The following ANK3 variants were observed in gnomAD, a reference collection of about 807,000 sequenced individuals.
The protein encoded by ANK3 is ankyrin 3.
Under a neutral mutation model 370.9 loss-of-function variants are expected in ANK3, and 57 were observed. That is an observed-to-expected ratio of 0.15 (90% CI 0.12 to 0.19). The LOEUF (loss-of-function observed/expected upper bound fraction) is 0.19, where lower values mean the gene tolerates loss of function less well. ANK3 is among the 10% of genes least tolerant of loss of function. The pLI, the probability that ANK3 is intolerant of heterozygous loss-of-function variation, is 1.00. For synonymous variants in ANK3, 1,929 were observed against 1,946.3 expected, an observed-to-expected ratio of 0.99 and a Z score of 0.23; for missense variants, 4,439 against 5,302.1, an observed-to-expected ratio of 0.84 and a Z score of 5.06.
intron 1 of ANK3, among the ~76,000 whole-genome samples, chr10:60,313,847 T>A (rs564941158): frequency 1.3e-5 from 2 of 152,142 alleles, no homozygotes; most frequent in African/African-American, 4.8e-5. Flanking sequence ...GAGAGATTTA[T>A]CCTGAATATC....
intron 18 of ANK3, among the ~76,000 whole-genome samples, chr10:60,174,270 T>C (rs548478711): frequency 6.6e-6 from 1 of 152,342 alleles, no homozygotes; most frequent in South Asian, 2.1e-4. Context: ...TTTGTCTCAC[T>C]AAACACACTG....
chr10:60,480,545 T>C (rs968559370), intron 2 of ANK3, among the ~76,000 whole-genome samples: 31 of 152,292 alleles, frequency 2.0e-4, no homozygotes, highest in African/African-American at 6.5e-4. Flanking sequence ...TCAATATATT[T>C]GTGCATCTAC....
At chr10:60,219,865 A>C (rs564424809) in intron 8 of ANK3, among the ~76,000 whole-genome samples, 1 of 152,328 alleles carries the variant, frequency 6.6e-6, no homozygotes, top group East Asian at 1.9e-4. Flanking sequence ...TACTAGCCAA[A>C]TCTCAATAGT....
intron 2 of ANK3, among the ~76,000 whole-genome samples, chr10:60,588,160 T>TTTATTATTATTATTATTATTATTATTA (rs147944306): frequency 7.1e-6 from 1 of 141,116 alleles, no homozygotes; most frequent in African/African-American, 2.6e-5. Flanking sequence ...TTTCTCAGTT[T>TTTATTATTATTATTATTATTATTATTA]TTATTATTAT....
intron 1 of ANK3, among the ~76,000 whole-genome samples, chr10:60,331,571 TAAA>T (rs5785438): frequency 2.2e-5 from 3 of 137,052 alleles, no homozygotes; most frequent in African/African-American, 5.3e-5. Context: ...ACAGCCTAAT[TAAA>T]AAAAAAAAAA....
At chr10:60,569,342 TAGC>T (rs1296336548) in intron 2 of ANK3, among the ~76,000 whole-genome samples, 10 of 152,324 alleles carry the variant, frequency 6.6e-5, no homozygotes, top group African/African-American at 2.4e-4. Context: ...GTATCCCCAG[TAGC>T]TGCCTCAGGT....
intron 25 of ANK3, among the ~76,000 whole-genome samples, chr10:60,128,333 C>G (rs1226585102): frequency 6.6e-6 from 1 of 151,884 alleles, no homozygotes; most frequent in Admixed American, 6.6e-5. Context: ...AGCTGTGTCC[C>G]CGGGGGTGAG....
At chr10:60,632,484 CGTACCTG>C (rs2078497881) in intron 1 of ANK3, among the ~76,000 whole-genome samples, 2 of 152,178 alleles carry the variant, frequency 1.3e-5, no homozygotes, top group South Asian at 4.1e-4. Flanking sequence ...CATGGTAGCT[CGTACCTG>C]TAATCTCAGC....
intron 1 of ANK3, among the ~76,000 whole-genome samples, chr10:60,339,041 T>C (rs1473718881): frequency 6.6e-6 from 1 of 152,076 alleles, no homozygotes; most frequent in African/African-American, 2.4e-5. Flanking sequence ...TGGAGTGAAA[T>C]AGAATGTGTG....
rs746104812 is a variant in ANK3 at position 60,073,339 on chromosome 10, A to G, written c.7542T>C (p.Ile2514=). The change falls in exon 37 of 44, where the codon ATT becomes ATC. Residue 2514 remains isoleucine (I), a synonymous_variant. Coordinates refer to ENST00000280772, the MANE Select transcript of ANK3 (RefSeq NM_020987.5). The stretch of plus-strand genomic sequence containing the variant: ...AAACATCTTTATAGATTTTGGAGAG[A>G]ATTTCTTTTTTGGGGGCAGTGGCTA... ...EKIATAPKKE[I]LSKIYKDVSE... 6 of 1,613,812 alleles carry G rather than the reference A, an allele frequency of 3.7e-6. No individual in the cohort carries two copies. Among genetic ancestry groups the G allele is most frequent in the Non-Finnish European group, 5.1e-6 (6 of 1,179,974 alleles).
At chr10:60,634,863 C>T (rs7093882) in intron 1 of ANK3, among the ~76,000 whole-genome samples, 102,975 of 151,700 alleles carry the variant, frequency 0.68, 35,042 homozygotes, top group South Asian at 0.82. Flanking sequence ...AGTCTGCGGC[C>T]TCACTCCTGA....
chr10:60,205,152 C>A (rs1369002525), intron 11 of ANK3, among the ~76,000 whole-genome samples: 3 of 152,158 alleles, frequency 2.0e-5, no homozygotes, highest in African/African-American at 7.2e-5. Context: ...TGGATCATTT[C>A]TCTGAGTTCT....
At chr10:60,134,404 T>C in intron 24 of ANK3, 31 bp from the exon 25 acceptor site, 1 of 1,542,642 alleles carries the variant, frequency 6.5e-7, no homozygotes, top group Non-Finnish European at 8.9e-7. Context: ...CATTCAACAG[T>C]GGTAGATGAT....
intron 1 of ANK3, among the ~76,000 whole-genome samples, chr10:60,723,843 G>A (rs1325269813): frequency 6.6e-6 from 1 of 152,052 alleles, no homozygotes; most frequent in Non-Finnish European, 1.5e-5. Context: ...ATGATGTGAT[G>A]ACTAAAGCTG....
chr10:60,520,299 T>C (rs188141750), intron 2 of ANK3, among the ~76,000 whole-genome samples: 3 of 152,088 alleles, frequency 2.0e-5, no homozygotes, highest in Admixed American at 6.6e-5. Context: ...AAATCAAGGG[T>C]TGAGAAACTA....
chr10:60,518,932 T>C (rs2076286704), intron 2 of ANK3, among the ~76,000 whole-genome samples: 1 of 152,106 alleles, frequency 6.6e-6, no homozygotes, highest in Admixed American at 6.6e-5. Flanking sequence ...CTGGGAGGCG[T>C]CCCCATCTCT....
At chr10:60,680,779 C>T (rs1312420265) in intron 1 of ANK3, among the ~76,000 whole-genome samples, 5 of 152,206 alleles carry the variant, frequency 3.3e-5, no homozygotes, top group African/African-American at 1.2e-4. Context: ...GGGTCTTGGA[C>T]CAGTCTGCCT....
At chr10:60,714,837 G>A (rs2079759450) in intron 1 of ANK3, among the ~76,000 whole-genome samples, 2 of 152,096 alleles carry the variant, frequency 1.3e-5, no homozygotes. Context: ...GCAGGAGAGA[G>A]GGATAAATAA....
At chr10:60,138,575 G>A in intron 24 of ANK3, 1 of 406,896 alleles carries the variant, frequency 2.5e-6, no homozygotes, top group East Asian at 3.6e-5. Flanking sequence ...ACAGAGAATA[G>A]TGAACAATCT....
Sources: gnomAD v4.1 joint callset for allele counts (sites outside exome capture counted in the v4.1 genomes callset) on GRCh38, gnomAD v4.1.1 for gene constraint, MANE v1.5 for transcripts, NCBI Gene and HGNC (gene_info 2026-07-23, HGNC 2026-07-21) for gene names.